Variants in USP47 observed in about 807,000 individuals in gnomAD.
USP47 encodes the protein ubiquitin specific peptidase 47.
USP47 carries 35 observed loss-of-function variants against 165.1 expected under a neutral mutation model. The ratio of observed to expected loss-of-function variants is 0.21; its 90% CI spans 0.16 to 0.28. The LOEUF (loss-of-function observed/expected upper bound fraction) is 0.28, where lower values mean the gene tolerates loss of function less well. Ranked by LOEUF, USP47 falls within the 10% of genes least tolerant of loss-of-function variation. The pLI is 1.00. For synonymous variants in USP47, 531 were observed against 544.5 expected (o/e 0.98, Z 0.35); for missense variants, 1,277 against 1,607.4 (o/e 0.79, Z 3.52).
intron 10 of USP47, 58 bp from the exon 11 acceptor site, chr11:11,922,666 T>G: frequency 7.0e-7 from 1 of 1,435,170 alleles, no homozygotes; most frequent in Non-Finnish European, 9.4e-7. Context: ...TACAAAGTTT[T>G]GTTGAACATA....
chr11:11,945,554 G>A (rs1479612372), intron 20 of USP47, among the ~76,000 whole-genome samples: 3 of 151,944 alleles, frequency 2.0e-5, no homozygotes, highest in Admixed American at 6.6e-5. Context: ...TAGGCACTTG[G>A]GTATAAACAG....
intron 1 of USP47, among the ~76,000 whole-genome samples, chr11:11,870,557 GTTT>G (rs1330962945): frequency 6.6e-6 from 1 of 152,056 alleles, no homozygotes; most frequent in Non-Finnish European, 1.5e-5. Context: ...AATTCTTTGA[GTTT>G]TCCTTCATCT....
chr11:11,929,436 T>C lies in USP47; in HGVS notation c.1389T>C (p.Asn463=). The change falls in exon 12 of 28, where the codon AAT becomes AAC. Residue 463 remains asparagine, a splice_region_variant and synonymous_variant. Coordinates refer to ENST00000527733, the MANE Select transcript of USP47 (RefSeq NM_001282659.2). ...EKISKSGLEK[N]SLIYELFSVM... ...TTACTTTTATTTTTTCCCCTTAGAA[T>C]TCCTTGATCTATGAACTTTTCTCTG... 6.2e-7 allele frequency: 1 copy of C among 1,611,740 alleles called. No homozygotes were observed. The highest frequency in any genetic ancestry group is 1.1e-5 in the South Asian group (1 of 90,618).
chr11:11,925,555 G>T (rs1413701624), intron 11 of USP47, among the ~76,000 whole-genome samples: 1 of 151,010 alleles, frequency 6.6e-6, no homozygotes, highest in Non-Finnish European at 1.5e-5. Flanking sequence ...ACAATAAATT[G>T]TTAGTATTTA....
intron 2 of USP47, 38 bp from the exon 3 acceptor site, chr11:11,884,429 T>C (rs1271649475): frequency 2.1e-6 from 3 of 1,419,982 alleles, no homozygotes; most frequent in Non-Finnish European, 2.9e-6. Flanking sequence ...TTATTTTATG[T>C]TTCTCATAAT....
chr11:11,923,528 T>C (rs1854017772), intron 11 of USP47, among the ~76,000 whole-genome samples: 1 of 152,130 alleles, frequency 6.6e-6, no homozygotes, highest in Non-Finnish European at 1.5e-5. Flanking sequence ...TCAATAACTT[T>C]AAGGGTTTTT....
At chr11:11,901,133 G>T (rs1191178335) in intron 5 of USP47, among the ~76,000 whole-genome samples, 2 of 152,186 alleles carry the variant, frequency 1.3e-5, no homozygotes, top group Admixed American at 6.5e-5. Flanking sequence ...CTGTGAGGCG[G>T]AAGGGAGTGC....
intron 1 of USP47, among the ~76,000 whole-genome samples, chr11:11,876,910 A>G (rs891513085): frequency 2.7e-5 from 4 of 149,744 alleles, no homozygotes; most frequent in Admixed American, 6.6e-5. Flanking sequence ...TGAGAAAAGG[A>G]AAAAAAAAAG....
At chr11:11,926,222 C>T (rs1033581794) in intron 11 of USP47, among the ~76,000 whole-genome samples, 1 of 152,028 alleles carries the variant, frequency 6.6e-6, no homozygotes, top group Non-Finnish European at 1.5e-5. Flanking sequence ...AGTTTTTCTC[C>T]TTTTTACTTT....
At chr11:11,926,419 C>T (rs1362490712) in intron 11 of USP47, among the ~76,000 whole-genome samples, 2 of 152,006 alleles carry the variant, frequency 1.3e-5, no homozygotes, top group East Asian at 1.9e-4. Context: ...AGCTGTTAAA[C>T]GTTTGTAGAA....
chr11:11,905,521 T>C lies in USP47; in HGVS notation c.942T>C (p.Tyr314=), dbSNP rs748072362. Residue 314 remains tyrosine (Y), a synonymous_variant, in exon 8 of 28, where the codon TAT becomes TAC. Transcript: ENST00000527733. ...YLDIPLVIRP[Y]GSSQAFASVE... is the part of the protein sequence containing the mutation. ...ATATTCCATTGGTCATCCGACCTTA[T>C]GGGTCCAGCCAAGCATTTGCTAGTG... is the stretch of plus-strand genomic sequence containing the variant. 23 of 1,608,470 alleles carry C rather than the reference T, an allele frequency of 1.4e-5. No homozygotes were observed. In the Middle Eastern group the frequency reaches 4.9e-4, roughly 35 times the overall value.
chr11:11,945,938 C>T (rs540629391), intron 20 of USP47, among the ~76,000 whole-genome samples: 4 of 144,286 alleles, frequency 2.8e-5, no homozygotes, highest in Admixed American at 2.3e-4. Flanking sequence ...CTGTCCCCCC[C>T]CCAAAAAAAA....
At chr11:11,853,849 G>A (rs1311679020) in intron 1 of USP47, among the ~76,000 whole-genome samples, 1 of 152,014 alleles carries the variant, frequency 6.6e-6, no homozygotes, top group Admixed American at 6.6e-5. Context: ...CCAACCGGCT[G>A]GGCCTGGTGG....
At chr11:11,849,158 C>T (rs1848591869) in intron 1 of USP47, among the ~76,000 whole-genome samples, 1 of 152,110 alleles carries the variant, frequency 6.6e-6, no homozygotes, top group African/African-American at 2.4e-5. Context: ...CTGCCTCAGC[C>T]TCCCAAAGTA....
chr11:11,950,569 T>C (rs1856152452), intron 24 of USP47, 87 bp downstream of exon 24: 12 of 912,654 alleles, frequency 1.3e-5, no homozygotes, highest in Non-Finnish European at 2.0e-5. Flanking sequence ...AATAATGAGT[T>C]ACGAGGAATC....
chr11:11,887,545 C>G (rs1851241944), intron 3 of USP47, among the ~76,000 whole-genome samples: 1 of 152,168 alleles, frequency 6.6e-6, no homozygotes, highest in Non-Finnish European at 1.5e-5. Context: ...TATATATGCA[C>G]TCAATACAGG....
rs191339440 is a variant in USP47 at position 11,906,544 on chromosome 11, A to G, written c.969+996A>G. Among the ~76,000 whole-genome samples, 574 of 152,288 alleles carry G rather than the reference A, an allele frequency of 3.8e-3. 4 individuals are homozygous for G. Among genetic ancestry groups the G allele is most frequent in the African/African-American group, 0.013 (527 of 41,572 alleles). ...GCTATTAGGAAATAACCAGCAATAA[A>G]TTATGGAATCAGTCAATGGAGATAC... is the stretch of plus-strand genomic sequence containing the variant. On this transcript the variant is annotated intron_variant, in intron 8 of 27. Transcript: ENST00000527733.
intron 1 of USP47, among the ~76,000 whole-genome samples, chr11:11,848,348 C>T (rs554134341): frequency 9.9e-5 from 15 of 152,276 alleles, no homozygotes; most frequent in Admixed American, 9.8e-4. Flanking sequence ...TGTTACTGTA[C>T]TGAATACTGT....
intron 1 of USP47, among the ~76,000 whole-genome samples, chr11:11,850,809 T>A (rs1246138765): frequency 1.3e-5 from 2 of 152,206 alleles, no homozygotes; most frequent in Non-Finnish European, 2.9e-5. Context: ...GGCTGGGAAG[T>A]CCAAGATAAA....
Sources: gnomAD v4.1 joint callset for allele counts (sites outside exome capture counted in the v4.1 genomes callset) on GRCh38, gnomAD v4.1.1 for gene constraint, MANE v1.5 for transcripts, NCBI Gene and HGNC (gene_info 2026-07-23, HGNC 2026-07-21) for gene names.